PLXNB2: variants seen among roughly 807,000 people sequenced by gnomAD.
PLXNB2 encodes plexin-B2.
PLXNB2 carries 85 observed loss-of-function variants against 202.6 expected under a neutral mutation model. The ratio of observed to expected loss-of-function variants is 0.42; its 90% CI spans 0.35 to 0.50. The LOEUF (loss-of-function observed/expected upper bound fraction) is 0.50, where lower values mean the gene tolerates loss of function less well. Ranked by LOEUF, PLXNB2 falls within the 20% of genes least tolerant of loss-of-function variation. The pLI, the probability that PLXNB2 is intolerant of heterozygous loss-of-function variation, is 0.02. For missense variants in PLXNB2, 2,063 were observed against 2,586.2 expected (o/e 0.80, Z 4.39); for synonymous variants, 1,239 against 1,137.6 (o/e 1.09, Z -1.79).
chr22:50,282,812 C>G lies in PLXNB2; in HGVS notation c.2886G>C (p.Glu962Asp). Residue 962 changes from glutamate (E) to aspartate (D), a missense_variant, in exon 18 of 37, where the codon GAG becomes GAC. Coordinates refer to ENST00000359337, the MANE Select transcript of PLXNB2 (RefSeq NM_012401.4). ...PQATRGQMLL[E>D]VSYGGSPVPN... Reference sequence around the variant, plus strand: ...GCACGGGGGACCCCCCGTAGGAGACCTCCAGAAGCATCTGGCCCCGTGTCG... The same window carrying G: ...GCACGGGGGACCCCCCGTAGGAGACGTCCAGAAGCATCTGGCCCCGTGTCG... 6.2e-7 allele frequency: 1 copy of G among 1,612,904 alleles called. No individual in the cohort carries two copies. The highest frequency in any genetic ancestry group is 2.2e-5 in the East Asian group (1 of 44,850).
rs528575553 is a variant in PLXNB2 at position 50,290,644 on chromosome 22, C to T, written c.-13-47G>A. 2.7e-6 allele frequency: 4 copies of T among 1,479,296 alleles called. No individual in the cohort carries two copies. The Admixed American group carries it at 9.2e-5, about 34-fold the overall frequency. 91.6% of individuals were successfully genotyped at this position (1,479,296 alleles called of 1,614,324 possible). ...AGGGGAGCCCCGACCCAGAGGACCC[C>T]CGATCAAATCCCTCTCCAGTCCCTG... is the stretch of plus-strand genomic sequence containing the variant. On this transcript the variant is annotated intron_variant, in intron 2 of 36. Transcript: ENST00000359337.
At chr22:50,305,715 G>A (rs928434799) in intron 1 of PLXNB2, among the ~76,000 whole-genome samples, 2 of 152,196 alleles carry the variant, frequency 1.3e-5, no homozygotes. Flanking sequence ...ACAGGTCACT[G>A]GCACAGGGTG....
In PLXNB2 at chr22:50,275,633, G is replaced by C. The variant is rs747986367; in HGVS notation, c.*71C>G. 3 of 1,106,178 alleles carry C rather than the reference G, an allele frequency of 2.7e-6. No individual in the cohort carries two copies. The highest frequency in any genetic ancestry group is 2.4e-5 in the East Asian group (1 of 41,210). 68.5% of individuals were successfully genotyped at this position (1,106,178 alleles called of 1,614,324 possible). A position where few individuals can be genotyped will look rare whatever the true frequency, so the allele number is the denominator to read the frequency against. On this transcript the variant is annotated 3_prime_UTR_variant, in exon 37 of 37. Transcript: ENST00000359337. The stretch of plus-strand genomic sequence containing the variant: ...GTGGGGGCCTCAGCCACAGCCACTC[G>C]GCCTCCTCCCCTGAGGGGCTCTCAG...
At chr22:50,282,584 T>G in intron 18 of PLXNB2, 127 bp downstream of exon 18, 1 of 761,516 alleles carries the variant, frequency 1.3e-6, no homozygotes, top group Non-Finnish European at 2.1e-6. Context: ...GCAGTGGGGT[T>G]TTCCGGAGGC....
chr22:50,300,472 G>T (rs565383088), intron 1 of PLXNB2, among the ~76,000 whole-genome samples: 2 of 152,208 alleles, frequency 1.3e-5, no homozygotes, highest in Non-Finnish European at 2.9e-5. Flanking sequence ...GCAGGACTCC[G>T]GACCCAGGGT....
chr22:50,290,996 G>A (rs769556491), intron 2 of PLXNB2, among the ~76,000 whole-genome samples: 1 of 152,152 alleles, frequency 6.6e-6, no homozygotes, highest in Non-Finnish European at 1.5e-5. Flanking sequence ...GGGACGCACC[G>A]GCCCCAGCGC....
In PLXNB2 at chr22:50,288,878, G is replaced by A. The variant is rs777041158; in HGVS notation, c.1252-7C>T. On this transcript the variant is annotated splice_polypyrimidine_tract_variant and splice_region_variant and intron_variant, in intron 4 of 36. Coordinates refer to ENST00000359337, the MANE Select transcript of PLXNB2 (RefSeq NM_012401.4). The surrounding 1 kb of genome is among the most constrained non-coding windows in gnomAD (Gnocchi z 5.0). ...CATCTGGGGTGAGGTACACCTGTGT[G>A]CGCGAGGGCAGGCCGGTGAGGGTAC... 6.2e-7 allele frequency: 1 copy of A among 1,613,276 alleles called. No homozygotes were observed. The highest frequency in any genetic ancestry group is 8.5e-7 in the Non-Finnish European group (1 of 1,179,892).
chr22:50,289,470 C>A lies in PLXNB2; in HGVS notation c.1068+47G>T, dbSNP rs138045888. ...AGGCTGGGACACGCAAACCCACGAA[C>A]GGACGCCTGCAGTCCGGGCCCTGCG... On this transcript the variant is annotated intron_variant, in intron 3 of 36. Transcript: ENST00000359337. This position sits in a 1 kb window ranked among gnomAD's most constrained non-coding sequence, Gnocchi z 8.0. The A allele has an allele frequency of 1.3e-6, 2 of 1,526,432 alleles. No individual in the cohort carries two copies. Among genetic ancestry groups the A allele is most frequent in the Non-Finnish European group, 1.8e-6 (2 of 1,133,644 alleles). The allele number at this position is 1,526,432 out of a possible 1,614,324, so 94.6% of individuals were successfully genotyped here.
In PLXNB2 at chr22:50,275,471, G is replaced by T. The variant is rs891366156; in HGVS notation, c.*233C>A. 15 of 653,504 alleles carry T rather than the reference G, an allele frequency of 2.3e-5. No individual in the cohort carries two copies. Among genetic ancestry groups the T allele is most frequent in the Admixed American group, 6.2e-5 (3 of 48,012 alleles). The allele number at this position is 653,504 out of a possible 1,614,324, so 40.5% of individuals were successfully genotyped here. ...ACAGTGAACACCCGATGCTGGTTCT[G>T]CGGCCGGAGGGAGCTGGGGCTGGGG... On this transcript the variant is annotated 3_prime_UTR_variant, in exon 37 of 37. Transcript: ENST00000359337.
In PLXNB2 at chr22:50,291,231, G is replaced by A. The variant is rs1007386620; in HGVS notation, c.-13-634C>T. On this transcript the variant is annotated intron_variant, in intron 2 of 36. Coordinates refer to ENST00000359337, the MANE Select transcript of PLXNB2 (RefSeq NM_012401.4). The surrounding 1 kb of genome is among the most constrained non-coding windows in gnomAD (Gnocchi z 4.3). ...CCCCTGCCCTGGTGAAACAGTGGAA[G>A]CCAGCAATCACCCACAGCTCCTCGC... Among the ~76,000 whole-genome samples, 1 of 152,220 alleles carries A rather than the reference G, an allele frequency of 6.6e-6. No individual in the cohort carries two copies. Among genetic ancestry groups the A allele is most frequent in the African/African-American group, 2.4e-5 (1 of 41,448 alleles).
At chr22:50,295,815 C>T (rs73437463) in intron 1 of PLXNB2, among the ~76,000 whole-genome samples, 5,444 of 152,014 alleles carry the variant, frequency 0.036, 140 homozygotes, top group African/African-American at 0.061. Flanking sequence ...AAATAGTGGC[C>T]GGCTAAGGCT....
At position 50,290,098 on chromosome 22, in the gene PLXNB2, C is replaced by T; in HGVS notation, c.487G>A (p.Gly163Ser). 1.2e-6 allele frequency: 2 copies of T among 1,613,166 alleles called. No homozygotes were observed. Among genetic ancestry groups the T allele is most frequent in the South Asian group, 1.1e-5 (1 of 91,090 alleles). ...TVGLVSSTGP[G>S]GDRVLFVGKG... ...CCCACAAACAGCACGCGGTCACCAC[C>T]AGGACCCGTGGAGCTCACCAGCCCC... Residue 163 changes from glycine (G) to serine (S), a missense_variant, in exon 3 of 37, where the codon GGT (glycine) becomes AGT (serine). By Grantham distance (56) the Gly-to-Ser change is moderately conservative (BLOSUM62 0). Around this residue, in one of 2 missense-constraint regions of PLXNB2, gnomAD observed 1,303 missense variants for 1,476.8 expected, o/e 0.88. Transcript: ENST00000359337.
At position 50,288,266 on chromosome 22, in the gene PLXNB2, G is replaced by C. The variant is rs886896727; in HGVS notation, c.1381-229C>G. 6.6e-6 allele frequency among the ~76,000 whole-genome samples: 1 copy of C among 152,126 alleles called. No homozygotes were observed. Among genetic ancestry groups the C allele is most frequent in the Admixed American group, 6.5e-5 (1 of 15,276 alleles). On this transcript the variant is annotated intron_variant, in intron 5 of 36. Coordinates refer to ENST00000359337, the MANE Select transcript of PLXNB2 (RefSeq NM_012401.4). This position sits in a 1 kb window ranked among gnomAD's most constrained non-coding sequence, Gnocchi z 5.0. ...GGAGGTCTTGGCTATGGTGTCTCCCGGGGCAGCTCCTGTCCTCTACACTGG... is the reference window on the plus strand; with the variant it reads ...GGAGGTCTTGGCTATGGTGTCTCCCCGGGCAGCTCCTGTCCTCTACACTGG...
chr22:50,284,522 A>T lies in PLXNB2; in HGVS notation c.2181+51T>A. ...AGTCCTGAAGGTGACCCCCCACCCC[A>T]CCCGGGGCCCTGGGGTCCAGCAGCC... On this transcript the variant is annotated intron_variant, in intron 12 of 36. Transcript: ENST00000359337. The surrounding 1 kb of genome is among the most constrained non-coding windows in gnomAD (Gnocchi z 8.0). 4.7e-6 allele frequency: 6 copies of T among 1,279,890 alleles called. No individual in the cohort carries two copies. Among genetic ancestry groups the T allele is most frequent in the Non-Finnish European group, 5.4e-6 (5 of 922,950 alleles). 79.3% of individuals were successfully genotyped at this position (1,279,890 alleles called of 1,614,324 possible).
At chr22:50,292,271 G>T (rs1325978124) in intron 2 of PLXNB2, among the ~76,000 whole-genome samples, 1 of 150,370 alleles carries the variant, frequency 6.7e-6, no homozygotes, top group South Asian at 2.1e-4. Flanking sequence ...CTGGGAGGCG[G>T]AGGTTGCAGC....
chr22:50,286,081 C>G lies in PLXNB2; in HGVS notation c.1895G>C (p.Ser632Thr), dbSNP rs749920297. 360 of 1,611,880 alleles carry G rather than the reference C, an allele frequency of 2.2e-4. 1 individual carries two copies. Among genetic ancestry groups the G allele is most frequent in the Non-Finnish European group, 3.0e-4 (352 of 1,179,968 alleles). The change falls in exon 10 of 37, where the codon AGC (serine) becomes ACC (threonine). Residue 632 changes from serine to threonine, a missense_variant. Ser to Thr is a moderately conservative substitution (Grantham distance 58). Around this residue, in one of 2 missense-constraint regions of PLXNB2, gnomAD observed 1,303 missense variants for 1,476.8 expected, o/e 0.88. Transcript: ENST00000359337. The stretch of plus-strand genomic sequence containing the variant: ...GTCCCACTGGCAGGTCCAGCGGTTG[C>G]TCACGCAGGAGATGCACCTGCATCC... ...EENLPCISCV[S>T]NRWTCQWDLR...
chr22:50,307,418 G>C (rs2067929507), intron 1 of PLXNB2, 135 bp downstream of exon 1: 1 of 337,290 alleles, frequency 3.0e-6, no homozygotes, highest in African/African-American at 2.2e-5. Flanking sequence ...GGCCCCGGGA[G>C]CCCTCCGCGG....
At position 50,297,136 on chromosome 22, in the gene PLXNB2, T is replaced by C. The variant is rs2067334474; in HGVS notation, c.-73-2358A>G. Reference sequence around the variant, plus strand: ...GCTGGGACCCGCGGGGACTGGAGACTGCAGCTCCCGACGGAGGTGGCAGCC... The same window carrying C: ...GCTGGGACCCGCGGGGACTGGAGACCGCAGCTCCCGACGGAGGTGGCAGCC... On this transcript the variant is annotated intron_variant, in intron 1 of 36. Transcript: ENST00000359337. The surrounding 1 kb of genome is among the most constrained non-coding windows in gnomAD (Gnocchi z 5.3). 6.6e-6 allele frequency among the ~76,000 whole-genome samples: 1 copy of C among 152,178 alleles called. No homozygotes were observed. Among genetic ancestry groups the C allele is most frequent in the Non-Finnish European group, 1.5e-5 (1 of 68,018 alleles).
At chr22:50,278,733 C>T in intron 28 of PLXNB2, 37 bp from the exon 29 acceptor site, 1 of 1,591,636 alleles carries the variant, frequency 6.3e-7, no homozygotes, top group Non-Finnish European at 8.6e-7. Context: ...GCCCCAGCCA[C>T]CCAGGTTCCT....
Sources: allele counts gnomAD v4.1 joint callset (sites outside exome capture counted in the v4.1 genomes callset), GRCh38; gene constraint gnomAD v4.1.1; regional missense constraint gnomAD v4.1.1; non-coding constraint Gnocchi (gnomAD v3.1); transcripts MANE v1.5; gene names NCBI Gene and HGNC (gene_info 2026-07-23, HGNC 2026-07-21).